PEBP4: variants seen among roughly 807,000 people sequenced by gnomAD.
PEBP4 encodes the protein phosphatidylethanolamine binding protein 4, also known as phosphatidylethanolamine-binding protein 4.
Under a neutral mutation model 23.9 loss-of-function variants are expected in PEBP4, and 22 were observed. The observed-to-expected ratio is 0.92, with a 90% CI of 0.66 to 1.31. The LOEUF (loss-of-function observed/expected upper bound fraction) is 1.31. PEBP4 is among the 40% of genes most tolerant of loss of function. PEBP4 has a pLI of 0.00. For synonymous variants in PEBP4, 112 were observed against 99.3 expected, an observed-to-expected ratio of 1.13 and a Z score of -0.76; for missense variants, 324 against 281.7, an observed-to-expected ratio of 1.15 and a Z score of -1.07.
chr8:22,867,483 A>T (rs1190676212), intron 3 of PEBP4, among the ~76,000 whole-genome samples: 1 of 152,030 alleles, frequency 6.6e-6, no homozygotes, highest in African/African-American at 2.4e-5. Context: ...AAAGCACTAG[A>T]TTTTCAGGTT....
chr8:22,776,183 A>G (rs1364565466), intron 4 of PEBP4, among the ~76,000 whole-genome samples: 1 of 152,228 alleles, frequency 6.6e-6, no homozygotes, highest in Non-Finnish European at 1.5e-5. Context: ...TGCTGACGCC[A>G]GCGCTCACAC....
At chr8:22,830,127 G>A (rs1268450264) in intron 3 of PEBP4, among the ~76,000 whole-genome samples, 1 of 151,702 alleles carries the variant, frequency 6.6e-6, no homozygotes, top group Non-Finnish European at 1.5e-5. Flanking sequence ...GTGTGTGTGT[G>A]TGTGTGTGTG....
At chr8:22,854,999 C>A (rs981266537) in intron 3 of PEBP4, among the ~76,000 whole-genome samples, 2 of 51,660 alleles carry the variant, frequency 3.9e-5, no homozygotes, top group Admixed American at 4.8e-4. Context: ...TGAGTATGCA[C>A]GCACACACAC....
At chr8:22,902,414 C>T (rs767530442) in intron 3 of PEBP4, among the ~76,000 whole-genome samples, 5 of 152,212 alleles carry the variant, frequency 3.3e-5, no homozygotes, top group Non-Finnish European at 5.9e-5. Flanking sequence ...ATGGACCACA[C>T]CAAGTTCCCT....
chr8:22,832,572 G>A (rs942452328), intron 3 of PEBP4, among the ~76,000 whole-genome samples: 1 of 152,150 alleles, frequency 6.6e-6, no homozygotes. Flanking sequence ...CTGACGCAGA[G>A]AGAAAATCTC....
At chr8:22,813,373 A>T (rs1046131525) in intron 4 of PEBP4, among the ~76,000 whole-genome samples, 3 of 152,252 alleles carry the variant, frequency 2.0e-5, no homozygotes, top group African/African-American at 7.2e-5. Context: ...AAGAAAAAAG[A>T]TACTCTTGTC....
intron 4 of PEBP4, among the ~76,000 whole-genome samples, chr8:22,728,755 G>A (rs372401830): frequency 7.2e-5 from 11 of 151,924 alleles, no homozygotes; most frequent in African/African-American, 1.9e-4. Flanking sequence ...CCACCACCAC[G>A]CCTGGCTAAT....
chr8:22,792,657 A>G (rs771415717), intron 4 of PEBP4, among the ~76,000 whole-genome samples: 1 of 152,074 alleles, frequency 6.6e-6, no homozygotes, highest in Non-Finnish European at 1.5e-5. Context: ...TTCTAAGTAT[A>G]CGTTGCTCTT....
chr8:22,768,763 G>T (rs568248413), intron 4 of PEBP4, among the ~76,000 whole-genome samples: 7 of 152,090 alleles, frequency 4.6e-5, no homozygotes, highest in African/African-American at 1.7e-4. Flanking sequence ...TTGTTGGCCC[G>T]CGGATGGTGC....
chr8:22,860,711 C>G (rs1416304149), intron 3 of PEBP4, among the ~76,000 whole-genome samples: 1 of 152,178 alleles, frequency 6.6e-6, no homozygotes, highest in Non-Finnish European at 1.5e-5. Flanking sequence ...TCCTCAAGAC[C>G]CTCCGTTACA....
At chr8:22,746,634 TCTC>T (rs1176416105) in intron 4 of PEBP4, among the ~76,000 whole-genome samples, 2 of 150,148 alleles carry the variant, frequency 1.3e-5, no homozygotes, top group South Asian at 2.1e-4. Context: ...CCCTCCTCTC[TCTC>T]CTCCTCTCCT....
chr8:22,772,065 C>T (rs750948016), intron 4 of PEBP4, among the ~76,000 whole-genome samples: 2 of 152,242 alleles, frequency 1.3e-5, no homozygotes, highest in African/African-American at 2.4e-5. Context: ...AAGCCAAGAA[C>T]CCTCACAGGC....
At chr8:22,905,200 T>A (rs1808785920) in intron 3 of PEBP4, among the ~76,000 whole-genome samples, 1 of 152,310 alleles carries the variant, frequency 6.6e-6, no homozygotes. Context: ...TCACATTTTT[T>A]ATATTGTAAA....
chr8:22,805,855 T>C (rs1806484190), intron 4 of PEBP4, among the ~76,000 whole-genome samples: 1 of 151,844 alleles, frequency 6.6e-6, no homozygotes. Flanking sequence ...TGAAACCTAT[T>C]GCCTAAATGG....
intron 3 of PEBP4, among the ~76,000 whole-genome samples, chr8:22,830,145 G>GTGTT (rs1488420750): frequency 9.9e-5 from 15 of 150,972 alleles, no homozygotes; most frequent in South Asian, 8.4e-4. Flanking sequence ...GTGTGTGTGT[G>GTGTT]TTTTTACGGA....
At chr8:22,765,333 G>A (rs1037454467) in intron 4 of PEBP4, among the ~76,000 whole-genome samples, 1 of 152,190 alleles carries the variant, frequency 6.6e-6, no homozygotes, top group East Asian at 1.9e-4. Flanking sequence ...TAGTAGAGAT[G>A]GGGTTTCACC....
intron 3 of PEBP4, among the ~76,000 whole-genome samples, chr8:22,864,183 A>G (rs1807836020): frequency 6.6e-6 from 1 of 152,146 alleles, no homozygotes; most frequent in Admixed American, 6.5e-5. Context: ...ATTAATTCCA[A>G]TCTCAATTAT....
chr8:22,744,363 T>C (rs1440895615), intron 4 of PEBP4, among the ~76,000 whole-genome samples: 3 of 152,146 alleles, frequency 2.0e-5, no homozygotes, highest in Non-Finnish European at 4.4e-5. Flanking sequence ...ACTGTGGTCT[T>C]CCGGTCAGAG....
intron 6 of PEBP4, among the ~76,000 whole-genome samples, chr8:22,722,947 T>C (rs1804548979): frequency 6.6e-6 from 1 of 151,436 alleles, no homozygotes; most frequent in Non-Finnish European, 1.5e-5. Context: ...TAATTTTTTT[T>C]TTTTTTTGTA....
Sources: gnomAD v4.1 joint callset for allele counts (sites outside exome capture counted in the v4.1 genomes callset) on GRCh38, gnomAD v4.1.1 for gene constraint, MANE v1.5 for transcripts, NCBI Gene and HGNC (gene_info 2026-07-23, HGNC 2026-07-21) for gene names.